The following GRID2 variants were observed in gnomAD, a reference collection of about 807,000 sequenced individuals.
GRID2 encodes glutamate receptor ionotropic, delta-2.
A neutral mutation model predicts 114.8 loss-of-function variants in GRID2; 33 were observed. That is an observed-to-expected ratio of 0.29 (90% confidence interval 0.22 to 0.38). The LOEUF (loss-of-function observed/expected upper bound fraction) is 0.38. GRID2 is among the 10% of genes least tolerant of loss of function. The probability of loss-of-function intolerance (pLI) is 1.00; values close to 1 mark genes in which losing one functional copy is unlikely to be tolerated. For missense variants in GRID2, 1,184 were observed against 1,257.7 expected, an observed-to-expected ratio of 0.94 and a Z score of 0.89; for synonymous variants, 505 against 449.9, an observed-to-expected ratio of 1.12 and a Z score of -1.55.
chr4:92,977,707 G>A (rs1440946854), intron 2 of GRID2, among the ~76,000 whole-genome samples: 1 of 152,164 alleles, frequency 6.6e-6, no homozygotes, highest in African/African-American at 2.4e-5. Context: ...TGACAATAGA[G>A]TTGGAGAGAA....
In GRID2 at chr4:92,304,422, A is replaced by C. The variant is rs575837736; in HGVS notation, c.-235A>C. ...ACTGCAAACAACTCTGGCGATGCCA[A>C]AATTCCCCTCCAAGTGACACGGCTT... On this transcript the variant is annotated 5_prime_UTR_variant, in exon 1 of 16. Coordinates refer to ENST00000282020, the MANE Select transcript of GRID2 (RefSeq NM_001510.4). 52 of 582,500 alleles carry C rather than the reference A, an allele frequency of 8.9e-5. No individual in the cohort carries two copies. The highest frequency in any genetic ancestry group is 1.4e-4 in the Non-Finnish European group (47 of 330,368). 36.1% of individuals were successfully genotyped at this position (582,500 alleles called of 1,614,324 possible).
At chr4:93,148,467 C>T (rs1736449583) in intron 4 of GRID2, among the ~76,000 whole-genome samples, 1 of 151,850 alleles carries the variant, frequency 6.6e-6, no homozygotes, top group African/African-American at 2.4e-5. Flanking sequence ...ATTCAAAATG[C>T]TTTATATATA....
intron 2 of GRID2, among the ~76,000 whole-genome samples, chr4:92,775,761 T>A (rs10030791): frequency 0.023 from 3,536 of 152,230 alleles, 140 homozygotes; most frequent in African/African-American, 0.081. Context: ...ATAGGTTTAG[T>A]TTAATTGTCA....
chr4:93,103,857 GT>G (rs1028825806), intron 3 of GRID2, among the ~76,000 whole-genome samples: 1 of 143,078 alleles, frequency 7.0e-6, no homozygotes. Context: ...TTTTTTGTTT[GT>G]TTTTTTCCTG....
chr4:93,804,150 T>C (rs1336800523), intron 1 of GRID2, among the ~76,000 whole-genome samples: 1 of 152,094 alleles, frequency 6.6e-6, no homozygotes, highest in Non-Finnish European at 1.5e-5. Context: ...AACTAGGATG[T>C]AAAAATAAAT....
At chr4:93,213,722 T>C (rs561504924) in intron 5 of GRID2, among the ~76,000 whole-genome samples, 1 of 152,308 alleles carries the variant, frequency 6.6e-6, no homozygotes, top group Admixed American at 6.5e-5. Flanking sequence ...TCAGAAATGA[T>C]TCAATTCTCC....
intron 2 of GRID2, among the ~76,000 whole-genome samples, chr4:92,904,292 A>G (rs1747791807): frequency 6.6e-6 from 1 of 150,678 alleles, no homozygotes; most frequent in Non-Finnish European, 1.5e-5. Context: ...TTACACATAC[A>G]TACCCAAATA....
intron 2 of GRID2, among the ~76,000 whole-genome samples, chr4:93,057,949 G>C (rs1184975288): frequency 1.3e-5 from 2 of 151,872 alleles, no homozygotes; most frequent in Non-Finnish European, 2.9e-5. Context: ...GAAGTAAAAT[G>C]ACATTAAAAG....
chr4:93,593,080 G>T (rs1175337082), intron 13 of GRID2, among the ~76,000 whole-genome samples: 1 of 151,708 alleles, frequency 6.6e-6, no homozygotes, highest in East Asian at 1.9e-4. Flanking sequence ...AGTGTTATGT[G>T]TGAATTTGAT....
At chr4:93,613,913 A>C (rs1243017252) in intron 13 of GRID2, among the ~76,000 whole-genome samples, 189 of 151,584 alleles carry the variant, frequency 1.2e-3, no homozygotes, top group East Asian at 4.7e-3. Context: ...CCCCCAGCCT[A>C]GTTGCCGCCT....
intron 6 of GRID2, among the ~76,000 whole-genome samples, chr4:93,218,964 T>C (rs949087557): frequency 6.6e-6 from 1 of 152,124 alleles, no homozygotes; most frequent in African/African-American, 2.4e-5. Context: ...CGGATAATCA[T>C]CCCCATCATT....
intron 1 of GRID2, among the ~76,000 whole-genome samples, chr4:92,476,734 G>T (rs1490090439): frequency 6.6e-6 from 1 of 151,992 alleles, no homozygotes; most frequent in Non-Finnish European, 1.5e-5. Flanking sequence ...TTCTAAAAAA[G>T]ATTACATATA....
At chr4:92,860,979 G>A (rs1744488344) in intron 2 of GRID2, among the ~76,000 whole-genome samples, 1 of 152,004 alleles carries the variant, frequency 6.6e-6, no homozygotes, top group African/African-American at 2.4e-5. Context: ...AATATAATAT[G>A]TTAAGTTTAA....
At chr4:92,949,261 C>T (rs1751862112) in intron 2 of GRID2, among the ~76,000 whole-genome samples, 1 of 151,584 alleles carries the variant, frequency 6.6e-6, no homozygotes, top group Non-Finnish European at 1.5e-5. Context: ...TTTATAATTA[C>T]TAAATATCTA....
intron 3 of GRID2, among the ~76,000 whole-genome samples, chr4:93,087,015 G>T (rs1560864459): frequency 9.0e-6 from 1 of 110,840 alleles, no homozygotes; most frequent in Non-Finnish European, 1.8e-5. Flanking sequence ...TACTATGAAA[G>T]TGATTTATTT....
intron 8 of GRID2, among the ~76,000 whole-genome samples, chr4:93,366,806 T>A (rs1330010093): frequency 6.6e-6 from 1 of 151,910 alleles, no homozygotes; most frequent in African/African-American, 2.4e-5. Flanking sequence ...TTAAGGAAAA[T>A]AGAAAAGAAC....
intron 1 of GRID2, among the ~76,000 whole-genome samples, chr4:92,544,535 C>T (rs1174528304): frequency 1.3e-5 from 2 of 152,022 alleles, no homozygotes; most frequent in Non-Finnish European, 2.9e-5. Flanking sequence ...ATACTCAATG[C>T]TTTTAATTGA....
intron 1 of GRID2, among the ~76,000 whole-genome samples, chr4:92,329,882 A>T (rs1441620623): frequency 6.6e-6 from 1 of 151,842 alleles, no homozygotes; most frequent in African/African-American, 2.4e-5. Context: ...AGAGACTAAA[A>T]CTAAGTGATT....
intron 8 of GRID2, among the ~76,000 whole-genome samples, chr4:93,266,550 A>T (rs1423999953): frequency 1.3e-5 from 2 of 151,906 alleles, no homozygotes; most frequent in Non-Finnish European, 2.9e-5. Flanking sequence ...TCCCACACGA[A>T]CCCCATCAAT....
Sources: gnomAD v4.1 joint callset for allele counts (sites outside exome capture counted in the v4.1 genomes callset) on GRCh38, gnomAD v4.1.1 for gene constraint, MANE v1.5 for transcripts, NCBI Gene and HGNC (gene_info 2026-07-23, HGNC 2026-07-21) for gene names.